Variants in TENM3 observed in about 807,000 individuals in gnomAD.
The protein encoded by TENM3 is teneurin transmembrane protein 3.
A neutral mutation model predicts 255.1 loss-of-function variants in TENM3; 63 were observed. That is an observed-to-expected ratio of 0.25 (90% CI 0.20 to 0.30). The LOEUF (loss-of-function observed/expected upper bound fraction) is 0.30. Ranked by LOEUF, TENM3 falls within the 10% of genes least tolerant of loss-of-function variation. The probability of loss-of-function intolerance (pLI) is 1.00; values close to 1 mark genes in which losing one functional copy is unlikely to be tolerated. For missense variants in TENM3, 2,929 were observed against 3,461.1 expected, an observed-to-expected ratio of 0.85 and a Z score of 3.86; for synonymous variants, 1,306 against 1,322.3, an observed-to-expected ratio of 0.99 and a Z score of 0.27.
intron 3 of TENM3, among the ~76,000 whole-genome samples, chr4:182,590,843 G>A (rs1257382952): frequency 1.4e-5 from 2 of 139,124 alleles, no homozygotes; most frequent in African/African-American, 2.5e-5. Flanking sequence ...GCGAGACTCC[G>A]TCTCAAAAGA....
At chr4:181,597,380 C>T in the TENM3 span, among the ~76,000 whole-genome samples, 1 of 152,188 alleles carries the variant, frequency 6.6e-6, no homozygotes, top group Admixed American at 6.5e-5. Flanking sequence ...CACCTGACAA[C>T]TCAGCACGTC....
At chr4:181,939,051 T>C in the TENM3 span, among the ~76,000 whole-genome samples, 1 of 152,092 alleles carries the variant, frequency 6.6e-6, no homozygotes, top group East Asian at 1.9e-4. Flanking sequence ...TAGGGGTTAA[T>C]AAGTAATGTA....
chr4:181,654,583 G>T, the TENM3 span, among the ~76,000 whole-genome samples: 1 of 151,800 alleles, frequency 6.6e-6, no homozygotes. Context: ...GTGAAACCCC[G>T]TCTCTACCAA....
chr4:181,504,932 A>G, the TENM3 span, among the ~76,000 whole-genome samples: 3 of 152,216 alleles, frequency 2.0e-5, no homozygotes, highest in African/African-American at 7.2e-5. Context: ...GAGTGATGAC[A>G]TGCAATTGAT....
chr4:182,356,805 G>A (rs943630755), intron 3 of TENM3, among the ~76,000 whole-genome samples: 5 of 151,644 alleles, frequency 3.3e-5, no homozygotes, highest in Admixed American at 1.3e-4. Flanking sequence ...CCATGCTGGT[G>A]TGCTGCACCC....
chr4:182,344,798 C>T (rs763893651), intron 2 of TENM3, among the ~76,000 whole-genome samples: 1 of 152,242 alleles, frequency 6.6e-6, no homozygotes, highest in South Asian at 2.1e-4. Context: ...AGAGTCCTCC[C>T]GTATGTTACA....
At chr4:182,377,359 G>A (rs538914706) in intron 3 of TENM3, among the ~76,000 whole-genome samples, 34 of 152,106 alleles carry the variant, frequency 2.2e-4, no homozygotes, top group African/African-American at 7.7e-4. Flanking sequence ...TGTCACCCAG[G>A]CTGGAATGCA....
chr4:182,456,574 A>T (rs1194306253), intron 3 of TENM3, among the ~76,000 whole-genome samples: 1 of 152,232 alleles, frequency 6.6e-6, no homozygotes, highest in Non-Finnish European at 1.5e-5. Context: ...TTACATGTAC[A>T]GTTAACTTGA....
At chr4:181,586,407 G>A in the TENM3 span, among the ~76,000 whole-genome samples, 1 of 152,164 alleles carries the variant, frequency 6.6e-6, no homozygotes, top group Non-Finnish European at 1.5e-5. Context: ...TAACTGTTAT[G>A]AGGACTCAAC....
the TENM3 span, chr4:181,819,979 G>A: frequency 3.5e-4 from 52 of 149,152 alleles, 1 homozygote; most frequent in African/African-American, 1.2e-3. Context: ...TCTATGAGTA[G>A]TAATACTAAA....
At chr4:181,515,740 C>G in the TENM3 span, among the ~76,000 whole-genome samples, 1 of 152,136 alleles carries the variant, frequency 6.6e-6, no homozygotes, top group African/African-American at 2.4e-5. Context: ...ATCTCCATTA[C>G]CTCCTCACTG....
At chr4:182,641,222 ACACT>A (rs1370330439) in intron 5 of TENM3, among the ~76,000 whole-genome samples, 2 of 152,318 alleles carry the variant, frequency 1.3e-5, no homozygotes, top group Non-Finnish European at 1.5e-5. Context: ...ACGTATACAC[ACACT>A]CACGAATCAG....
chr4:182,703,253 T>C (rs1390592935), intron 12 of TENM3, among the ~76,000 whole-genome samples: 1 of 152,216 alleles, frequency 6.6e-6, no homozygotes, highest in African/African-American at 2.4e-5. Flanking sequence ...ACCACACTTT[T>C]TTATCCAGGA....
At chr4:181,570,101 A>G in the TENM3 span, among the ~76,000 whole-genome samples, 23,104 of 142,976 alleles carry the variant, frequency 0.16, 1,898 homozygotes, top group African/African-American at 0.23. Context: ...TGCGGACTGC[A>G]GTGGCACAAT....
chr4:182,619,178 A>G (rs1021442175), intron 4 of TENM3, among the ~76,000 whole-genome samples: 1 of 152,142 alleles, frequency 6.6e-6, no homozygotes, highest in African/African-American at 2.4e-5. Context: ...CTGTAATCGC[A>G]ACACTTTGGG....
the TENM3 span, among the ~76,000 whole-genome samples, chr4:181,565,335 C>T: frequency 5.3e-5 from 8 of 152,246 alleles, 1 homozygote; most frequent in East Asian, 5.8e-4. Context: ...GTTACATGGA[C>T]GTATTTAAAC....
At chr4:181,605,508 A>T in the TENM3 span, among the ~76,000 whole-genome samples, 12 of 18,044 alleles carry the variant, frequency 6.7e-4, 1 homozygote, top group Admixed American at 6.2e-3. Flanking sequence ...GAAAGAAAGA[A>T]AGAAAGAAAG....
chr4:181,743,129 G>A, the TENM3 span, among the ~76,000 whole-genome samples: 16 of 151,958 alleles, frequency 1.1e-4, 1 homozygote, highest in Middle Eastern at 3.4e-3. Context: ...TAGTGCCGCA[G>A]TAAACATACG....
intron 1 of TENM3, among the ~76,000 whole-genome samples, chr4:182,300,105 G>A (rs1306369812): frequency 3.3e-5 from 5 of 152,032 alleles, no homozygotes; most frequent in Admixed American, 2.6e-4. Flanking sequence ...TAGTAGAGAC[G>A]AGGTTTCACC....
Sources: allele counts gnomAD v4.1 joint callset (sites outside exome capture counted in the v4.1 genomes callset), GRCh38; gene constraint gnomAD v4.1.1; transcripts MANE v1.5; gene names NCBI Gene and HGNC (gene_info 2026-07-23, HGNC 2026-07-21).